RPA3: variants seen among roughly 807,000 people sequenced by gnomAD.
The protein encoded by RPA3 is replication protein A 14 kDa subunit.
A neutral mutation model predicts 13.7 loss-of-function variants in RPA3; 24 were observed. That is an observed-to-expected ratio of 1.75 (90% CI 1.27 to 2.46). The LOEUF (loss-of-function observed/expected upper bound fraction) is 2.46, where lower values mean the gene tolerates loss of function less well. Among genes scored for constraint, RPA3 ranks in the 30% most tolerant of loss-of-function variants. The probability of loss-of-function intolerance (pLI) is 0.00; values close to 1 mark genes in which losing one functional copy is unlikely to be tolerated. For synonymous variants in RPA3, 59 were observed against 51.2 expected (o/e 1.15, Z -0.65); for missense variants, 183 against 151.0 (o/e 1.21, Z -1.11).
chr7:7,653,288 T>C (rs1291104783), intron 4 of RPA3, among the ~76,000 whole-genome samples: 7 of 152,238 alleles, frequency 4.6e-5, no homozygotes, highest in Admixed American at 4.6e-4. Flanking sequence ...TATAAATGTG[T>C]CACTGTATCA....
intron 4 of RPA3, among the ~76,000 whole-genome samples, chr7:7,675,402 A>G (rs772959664): frequency 8.5e-5 from 13 of 152,060 alleles, no homozygotes; most frequent in Non-Finnish European, 1.6e-4. Context: ...GATCTCCTCC[A>G]ATTTCTGGTA....
At chr7:7,691,108 A>C (rs1000795421) in intron 2 of RPA3, among the ~76,000 whole-genome samples, 6 of 152,182 alleles carry the variant, frequency 3.9e-5, no homozygotes, top group Admixed American at 2.0e-4. Flanking sequence ...TATGCTGCCA[A>C]CATTGAATAA....
At chr7:7,665,680 C>G (rs1779427908) in intron 4 of RPA3, among the ~76,000 whole-genome samples, 1 of 152,188 alleles carries the variant, frequency 6.6e-6, no homozygotes, top group East Asian at 1.9e-4. Flanking sequence ...TCCCTCCTTC[C>G]TTTGTTCCCT....
At chr7:7,712,767 T>C (rs1780799338) in intron 2 of RPA3, among the ~76,000 whole-genome samples, 2 of 152,324 alleles carry the variant, frequency 1.3e-5, no homozygotes, top group African/African-American at 4.8e-5. Flanking sequence ...AAAGAATGCT[T>C]ATAATGTTTG....
chr7:7,716,786 G>A (rs565767323), intron 1 of RPA3, among the ~76,000 whole-genome samples: 1 of 152,134 alleles, frequency 6.6e-6, no homozygotes, highest in African/African-American at 2.4e-5. Context: ...TCTACTAAAA[G>A]CACAAAAAAA....
chr7:7,644,149 T>G (rs752808690), intron 4 of RPA3, among the ~76,000 whole-genome samples: 2 of 152,218 alleles, frequency 1.3e-5, no homozygotes, highest in South Asian at 4.1e-4. Context: ...AGTGTTTTTT[T>G]GTCGTGACCC....
intron 5 of RPA3, among the ~76,000 whole-genome samples, chr7:7,639,736 C>A (rs1784922612): frequency 6.6e-6 from 1 of 152,204 alleles, no homozygotes; most frequent in African/African-American, 2.4e-5. Flanking sequence ...AAATGAGCTA[C>A]TAAATAAGTC....
At chr7:7,657,210 T>C (rs913118221) in intron 4 of RPA3, among the ~76,000 whole-genome samples, 5 of 152,166 alleles carry the variant, frequency 3.3e-5, no homozygotes, top group Non-Finnish European at 7.3e-5. Context: ...GTCTGGGTAT[T>C]AGCCCTTTGT....
At chr7:7,660,320 A>G (rs1281977579) in intron 4 of RPA3, among the ~76,000 whole-genome samples, 2 of 152,172 alleles carry the variant, frequency 1.3e-5, no homozygotes, top group Non-Finnish European at 2.9e-5. Flanking sequence ...TAATAATGTT[A>G]TGTGTGAATT....
intron 4 of RPA3, chr7:7,675,997 A>G (rs549854822): frequency 5.1e-6 from 2 of 394,920 alleles, no homozygotes; most frequent in Non-Finnish European, 8.9e-6. Context: ...GGGTACCATT[A>G]CTCTCCTGAA....
At chr7:7,648,781 A>T (rs2115547968) in intron 4 of RPA3, among the ~76,000 whole-genome samples, 1 of 151,996 alleles carries the variant, frequency 6.6e-6, no homozygotes, top group African/African-American at 2.4e-5. Context: ...TGAGTTCAGG[A>T]GGTGGAGGTT....
rs113267992 is a variant in RPA3, at chr7:7,705,670, G to T, written c.-1028+9505C>A. Among the ~76,000 whole-genome samples, 437 of 152,228 alleles carry T rather than the reference G, an allele frequency of 2.9e-3. 1 individual carries two copies. The highest frequency in any genetic ancestry group is 0.01 in the African/African-American group (423 of 41,540). On this transcript the variant is annotated intron_variant, in intron 2 of 7. Coordinates refer to ENST00000223129, the MANE Select transcript of RPA3 (RefSeq NM_002947.5). ...ATAAACAGAGAACTGAATGTTTTTA[G>T]GATTTTTAGGGTAGTGAAACTACTC...
At chr7:7,678,801 A>AAT (rs1331210419) in intron 4 of RPA3, among the ~76,000 whole-genome samples, 776 of 28,108 alleles carry the variant, frequency 0.028, 328 homozygotes, top group Middle Eastern at 0.12. Flanking sequence ...TTAGTTTATA[A>AAT]ATATATTTAT....
intron 2 of RPA3, among the ~76,000 whole-genome samples, chr7:7,705,728 A>G (rs1780582144): frequency 6.6e-6 from 1 of 152,222 alleles, no homozygotes; most frequent in Non-Finnish European, 1.5e-5. Context: ...ACATGTCATT[A>G]TAAATTTGTC....
intron 4 of RPA3, among the ~76,000 whole-genome samples, chr7:7,644,729 A>C (rs112956598): frequency 6.6e-6 from 1 of 151,116 alleles, no homozygotes; most frequent in African/African-American, 2.4e-5. Flanking sequence ...ACCACTACCT[A>C]TTTTCTTTAA....
intron 4 of RPA3, among the ~76,000 whole-genome samples, chr7:7,685,131 T>C (rs566153688): frequency 1.0e-3 from 157 of 152,310 alleles, no homozygotes; most frequent in African/African-American, 3.5e-3. Flanking sequence ...GTATGAATAT[T>C]CTACCTTGTA....
rs767796811 is a variant in RPA3, at chr7:7,639,141, G to T, written c.103C>A (p.His35Asn). ...AGAATAAACATTTTTCCGGTGGGAT[G>T]AATCTAAAAACGAAACATATAATTA... ...VCFVGRLEKIHPTGKMFILSD... is the reference protein window; with the variant it reads ...VCFVGRLEKINPTGKMFILSD... The change falls in exon 6 of 8, where the codon CAT (histidine) becomes AAT (asparagine). Residue 35 changes from histidine to asparagine, a missense_variant. Coordinates refer to ENST00000223129, the MANE Select transcript of RPA3 (RefSeq NM_002947.5). The T allele has an allele frequency of 4.4e-6, 7 of 1,608,470 alleles. No individual in the cohort carries two copies. Among genetic ancestry groups the T allele is most frequent in the Admixed American group, 1.7e-5 (1 of 58,964 alleles).
intron 2 of RPA3, among the ~76,000 whole-genome samples, chr7:7,690,149 T>C (rs1407289290): frequency 6.6e-6 from 1 of 152,230 alleles, no homozygotes; most frequent in Non-Finnish European, 1.5e-5. Flanking sequence ...CCAGCTATGT[T>C]ATTAAGTCAG....
At chr7:7,670,187 A>G (rs1448725412) in intron 4 of RPA3, among the ~76,000 whole-genome samples, 1 of 152,138 alleles carries the variant, frequency 6.6e-6, no homozygotes, top group African/African-American at 2.4e-5. Flanking sequence ...AACAACTTAA[A>G]CTTTTGGGGT....
Sources: allele counts gnomAD v4.1 joint callset (sites outside exome capture counted in the v4.1 genomes callset), GRCh38; gene constraint gnomAD v4.1.1; transcripts MANE v1.5; gene names NCBI Gene and HGNC (gene_info 2026-07-23, HGNC 2026-07-21).